Variants in TENT4B observed in about 807,000 individuals in gnomAD.
TENT4B encodes terminal nucleotidyltransferase 4B, also known as PAP associated domain containing 5.
A neutral mutation model predicts 75.0 loss-of-function variants in TENT4B; 10 were observed. The ratio of observed to expected loss-of-function variants is 0.13; its 90% CI spans 0.08 to 0.23. The LOEUF is 0.23. Ranked by LOEUF, TENT4B falls within the 10% of genes least tolerant of loss-of-function variation. The pLI, the probability that TENT4B is intolerant of heterozygous loss-of-function variation, is 1.00. For synonymous variants in TENT4B, 350 were observed against 357.7 expected (o/e 0.98, Z 0.24); for missense variants, 579 against 893.8 (o/e 0.65, Z 4.49).
intron 1 of TENT4B, among the ~76,000 whole-genome samples, chr16:50,209,460 G>A (rs2031163250): frequency 6.6e-6 from 1 of 152,154 alleles, no homozygotes; most frequent in Admixed American, 6.5e-5. Flanking sequence ...ACTTCGAAAC[G>A]GAAGTTGAAG....
chr16:50,222,147 A>G (rs1242858807), intron 5 of TENT4B, among the ~76,000 whole-genome samples, 159 bp from the exon 6 acceptor site: 1 of 152,152 alleles, frequency 6.6e-6, no homozygotes, highest in East Asian at 1.9e-4. Context: ...CATTACCTAT[A>G]GTTTACTTTT....
intron 1 of TENT4B, among the ~76,000 whole-genome samples, chr16:50,175,905 C>T (rs2038298611): frequency 6.6e-6 from 1 of 151,970 alleles, no homozygotes. Context: ...GCTTCAGCCT[C>T]CTGAGTAGCT....
chr16:50,202,975 C>G (rs760001732), intron 1 of TENT4B, among the ~76,000 whole-genome samples: 107 of 152,094 alleles, frequency 7.0e-4, no homozygotes, highest in Non-Finnish European at 1.2e-3. Context: ...AAGGAATGCT[C>G]TAATTTCTAG....
chr16:50,233,099 TAACA>T lies in TENT4B; in HGVS notation c.*3775_*3778del, dbSNP rs1460078644. 9.1e-6 allele frequency: 9 copies of T among 983,764 alleles called. No homozygotes were observed. Among genetic ancestry groups the T allele is most frequent in the Admixed American group, 6.1e-5 (1 of 16,274 alleles). 60.9% of individuals were successfully genotyped at this position (983,764 alleles called of 1,614,324 possible). On this transcript the variant is annotated 3_prime_UTR_variant, in exon 12 of 12. Transcript: ENST00000561678. ...GAGCAAAATATTCTATAAATGCGTC[TAACA>T]AACCTAATTGAATATAAAAGTTATA...
At chr16:50,202,691 G>A (rs1320204621) in intron 1 of TENT4B, among the ~76,000 whole-genome samples, 2 of 152,134 alleles carry the variant, frequency 1.3e-5, no homozygotes, top group Non-Finnish European at 2.9e-5. Context: ...AATTTTATTG[G>A]AAGGGGAAAG....
At chr16:50,217,998 C>T (rs916737594) in intron 5 of TENT4B, among the ~76,000 whole-genome samples, 1 of 150,446 alleles carries the variant, frequency 6.6e-6, no homozygotes, top group Non-Finnish European at 1.5e-5. Context: ...GGTCTCTTAA[C>T]TCCTGGCCTT....
rs2037871396 is a variant in TENT4B at position 50,155,272 on chromosome 16, G to GT, written c.638+1013_638+1014insT. Among the ~76,000 whole-genome samples, 369 of 135,482 alleles carry GT rather than the reference G, an allele frequency of 2.7e-3. 2 individuals carry two copies. Among genetic ancestry groups the GT allele is most frequent in the Admixed American group, 5.0e-3 (66 of 13,240 alleles). The allele number at this position is 135,482 out of a possible 152,430, so 88.9% of individuals were successfully genotyped here. ...TAAAACAAAGCTTTTGGGTCTCGTG[G>GT]GTGTGTGTGTGTGTGTGTGTGTGTG... On this transcript the variant is annotated intron_variant, in intron 1 of 11. Coordinates refer to ENST00000561678, the MANE Select transcript of TENT4B (RefSeq NM_001365324.3).
chr16:50,155,272 G>T (rs370550782), intron 1 of TENT4B, among the ~76,000 whole-genome samples: 108 of 135,464 alleles, frequency 8.0e-4, no homozygotes, highest in Admixed American at 1.4e-3. Context: ...GGGTCTCGTG[G>T]GTGTGTGTGT....
intron 1 of TENT4B, among the ~76,000 whole-genome samples, chr16:50,169,387 GTTTTTTTTTTTTTTTT>G (rs552275205): frequency 3.0e-5 from 2 of 65,780 alleles, no homozygotes; most frequent in African/African-American, 6.0e-5. Flanking sequence ...GATTTTGTGG[GTTTTTTTTTTTTTTTT>G]TTTTTTTTTT....
chr16:50,183,782 TG>T (rs1248004888), intron 1 of TENT4B, among the ~76,000 whole-genome samples: 1 of 152,086 alleles, frequency 6.6e-6, no homozygotes, highest in African/African-American at 2.4e-5. Flanking sequence ...CGGTAGCTCA[TG>T]CCTGTAATCC....
chr16:50,167,531 T>C (rs2038124454), intron 1 of TENT4B, among the ~76,000 whole-genome samples: 1 of 152,152 alleles, frequency 6.6e-6, no homozygotes, highest in Non-Finnish European at 1.5e-5. Context: ...TTTTTTTTTC[T>C]TTGGTTGCTT....
At chr16:50,189,802 T>C (rs1355230084) in intron 1 of TENT4B, among the ~76,000 whole-genome samples, 1 of 151,898 alleles carries the variant, frequency 6.6e-6, no homozygotes, top group Non-Finnish European at 1.5e-5. Flanking sequence ...ATCCCAGCAC[T>C]TTGGGAGGCC....
At chr16:50,154,997 C>G (rs1035346423) in intron 1 of TENT4B, among the ~76,000 whole-genome samples, 7 of 152,112 alleles carry the variant, frequency 4.6e-5, no homozygotes, top group African/African-American at 1.7e-4. Context: ...GTCCGCGGCT[C>G]CAGCTTCTCA....
chr16:50,227,962 A>G lies in TENT4B; in HGVS notation c.1924A>G (p.Thr642Ala). ...TCAGGCAGTTGGGAAAATGCAAAGC[A>G]CCCAAACCACTAACACATCCAACAG... ...SSQAVGKMQS[T>A]QTTNTSNSTN... is the part of the protein sequence containing the mutation. The change falls in exon 11 of 12, where the codon ACC becomes GCC. Residue 642 changes from threonine to alanine, a missense_variant. Around this residue, in one of 7 missense-constraint regions of TENT4B, gnomAD observed 164 missense variants for 226.5 expected, o/e 0.72. Coordinates refer to ENST00000561678, the MANE Select transcript of TENT4B (RefSeq NM_001365324.3). 6.2e-7 allele frequency: 1 copy of G among 1,614,012 alleles called. No homozygotes were observed. Among genetic ancestry groups the G allele is most frequent in the African/African-American group, 1.3e-5 (1 of 75,050 alleles).
chr16:50,229,540 A>T lies in TENT4B; in HGVS notation c.*212A>T. 7.9e-7 allele frequency: 1 copy of T among 1,266,422 alleles called. No homozygotes were observed. The highest frequency in any genetic ancestry group is 9.9e-7 in the Non-Finnish European group (1 of 1,010,174). The allele number at this position is 1,266,422 out of a possible 1,614,324, so 78.4% of individuals were successfully genotyped here. On this transcript the variant is annotated 3_prime_UTR_variant, in exon 12 of 12. Coordinates refer to ENST00000561678, the MANE Select transcript of TENT4B (RefSeq NM_001365324.3). ...ACAAAAAAAAAAGCAAGCAAAAAAG[A>T]GGGAAAAAAAAGGCTGCTTATTTGA...
rs1015728796 is a variant in TENT4B at position 50,229,763 on chromosome 16, G to A, written c.*435G>A. 8.1e-6 allele frequency: 8 copies of A among 984,568 alleles called. No homozygotes were observed. In the East Asian group the frequency reaches 6.8e-4, roughly 83 times the overall value. 61.0% of individuals were successfully genotyped at this position (984,568 alleles called of 1,614,324 possible). On this transcript the variant is annotated 3_prime_UTR_variant, in exon 12 of 12. Coordinates refer to ENST00000561678, the MANE Select transcript of TENT4B (RefSeq NM_001365324.3). ...TGATAGGAAGTCCAGATTCCAAAGG[G>A]GAAAGTGATCTGTGCATGTTTTTTT...
rs1485248690 is a variant in TENT4B at position 50,222,362 on chromosome 16, G to T, written c.1095G>T (p.Arg365Ser). The change falls in exon 6 of 12, where the codon AGG becomes AGT. Residue 365 changes from arginine (R) to serine (S), a missense_variant. Arg to Ser is a moderately radical substitution (Grantham distance 110). Around this residue, in one of 7 missense-constraint regions of TENT4B, gnomAD observed 71 missense variants for 210.6 expected, o/e 0.34. Transcript: ENST00000561678. Reference sequence around the variant, plus strand: ...TATTGAAACAATTCCTATTGCAGAGGGACCTTAATGAAGTATTTACAGGTG... The same window carrying T: ...TATTGAAACAATTCCTATTGCAGAGTGACCTTAATGAAGTATTTACAGGTG... ...VLVLKQFLLQ[R>S]DLNEVFTGGI... is the part of the protein sequence containing the mutation. 6.2e-7 allele frequency: 1 copy of T among 1,611,568 alleles called. No individual in the cohort carries two copies. Among genetic ancestry groups the T allele is most frequent in the Admixed American group, 1.7e-5 (1 of 59,796 alleles).
At chr16:50,200,830 T>C (rs2030595289) in intron 1 of TENT4B, among the ~76,000 whole-genome samples, 1 of 152,084 alleles carries the variant, frequency 6.6e-6, no homozygotes, top group Admixed American at 6.5e-5. Context: ...GTTCTCACTC[T>C]GTTGCCCAGG....
intron 1 of TENT4B, among the ~76,000 whole-genome samples, chr16:50,164,413 A>T (rs146244470): frequency 0.02 from 3,074 of 152,002 alleles, 110 homozygotes; most frequent in African/African-American, 0.071. Context: ...AAGTTCAAGC[A>T]ATTTTCTGCC....
Sources: gnomAD v4.1 joint callset for allele counts (sites outside exome capture counted in the v4.1 genomes callset) on GRCh38, gnomAD v4.1.1 for gene constraint, gnomAD v4.1.1 regional missense constraint, MANE v1.5 for transcripts, NCBI Gene and HGNC (gene_info 2026-07-23, HGNC 2026-07-21) for gene names.